Variants in ANKRD28 observed in about 807,000 individuals in gnomAD.
The protein encoded by ANKRD28 is serine/threonine-protein phosphatase 6 regulatory ankyrin repeat subunit A.
ANKRD28 carries 44 observed loss-of-function variants against 126.5 expected under a neutral mutation model. That is an observed-to-expected ratio of 0.35 (90% confidence interval 0.27 to 0.45). ANKRD28 has a LOEUF of 0.45. Ranked by LOEUF, ANKRD28 falls within the 20% of genes least tolerant of loss-of-function variation. The pLI is 1.00. For missense variants in ANKRD28, 1,110 were observed against 1,316.6 expected, an observed-to-expected ratio of 0.84 and a Z score of 2.43; for synonymous variants, 442 against 468.5, an observed-to-expected ratio of 0.94 and a Z score of 0.73.
chr3:15,743,138 G>A (rs892924897), intron 4 of ANKRD28, among the ~76,000 whole-genome samples: 2 of 152,034 alleles, frequency 1.3e-5, no homozygotes, highest in African/African-American at 4.8e-5. Flanking sequence ...GATTAAGGGT[G>A]GTGCAAGATG....
At chr3:15,700,233 T>C (rs1369277303) in intron 14 of ANKRD28, among the ~76,000 whole-genome samples, 1 of 151,818 alleles carries the variant, frequency 6.6e-6, no homozygotes, top group African/African-American at 2.4e-5. Context: ...CACTCTTAAG[T>C]GGAAGTTGAG....
chr3:15,747,219 T>C (rs2057534938), intron 4 of ANKRD28, among the ~76,000 whole-genome samples: 1 of 152,046 alleles, frequency 6.6e-6, no homozygotes, highest in Non-Finnish European at 1.5e-5. Flanking sequence ...TCTTCATTAT[T>C]TCTTTTCTTC....
At position 15,688,310 on chromosome 3, in the gene ANKRD28, G is replaced by A. The variant is rs114471578; in HGVS notation, c.1963+1709C>T. The stretch of plus-strand genomic sequence containing the variant: ...AAATTGATTTTTATTTTATATTTTA[G>A]GAACAGGGTTTCATCATGTTGCCTA... On this transcript the variant is annotated intron_variant, in intron 18 of 27. Transcript: ENST00000683139. Among the ~76,000 whole-genome samples the A allele has an allele frequency of 1.6e-3, 241 of 152,180 alleles. 3 individuals are homozygous for A. The highest frequency in any genetic ancestry group is 5.4e-3 in the Admixed American group (83 of 15,286).
chr3:15,685,540 A>G, intron 20 of ANKRD28, 95 bp from the exon 21 acceptor site: 1 of 1,021,044 alleles, frequency 9.8e-7, no homozygotes, highest in Non-Finnish European at 1.5e-6. Flanking sequence ...CATACTCTCC[A>G]TATCCTTCCA....
rs752092843 is a variant in ANKRD28 at position 15,712,160 on chromosome 3, C to G, written c.1253G>C (p.Cys418Ser). ...CTTACCTGAAGAAAGAAGTTTTCTG[C>G]AGCAATCTGAAAAGCCGCTTAAGGC... ...LAALSGFSDC[C>S]RKLLSSGFDI... Residue 418 changes from cysteine (C) to serine (S), a missense_variant, in exon 11 of 28, where the codon TGC (cysteine) becomes TCC (serine). Physicochemically the swap from Cys to Ser is moderately radical, Grantham distance 112. Transcript: ENST00000683139. 1.8e-5 allele frequency: 28 copies of G among 1,580,694 alleles called. No individual in the cohort carries two copies. In the South Asian group the frequency reaches 3.1e-4, roughly 18 times the overall value.
chr3:15,841,670 G>T (rs1382472482), intron 1 of ANKRD28, among the ~76,000 whole-genome samples: 5 of 152,148 alleles, frequency 3.3e-5, no homozygotes, highest in African/African-American at 9.7e-5. Context: ...TGGCAAACAG[G>T]TACATGAAAA....
In ANKRD28 at chr3:15,712,167, C is replaced by T; in HGVS notation, c.1246G>A (p.Asp416Asn). The T allele has an allele frequency of 6.3e-7, 1 of 1,583,628 alleles. No individual in the cohort carries two copies. Residue 416 changes from aspartate to asparagine, a missense_variant, in exon 11 of 28, where the codon GAT becomes AAT. Transcript: ENST00000683139. ...LHLAALSGFS[D>N]CCRKLLSSGF... ...GAAGAAAGAAGTTTTCTGCAGCAAT[C>T]TGAAAAGCCGCTTAAGGCTGCCAAA... is the stretch of plus-strand genomic sequence containing the variant.
chr3:15,826,049 G>T (rs1208269382), intron 1 of ANKRD28, among the ~76,000 whole-genome samples: 1 of 152,088 alleles, frequency 6.6e-6, no homozygotes, highest in African/African-American at 2.4e-5. Context: ...AGGTGAACAT[G>T]TCTATATCCT....
rs137915130 is a variant in ANKRD28, at chr3:15,676,637, C to G, written c.2873+337G>C. The G allele has an allele frequency of 1.5e-3, 304 of 200,076 alleles. 2 individuals carry two copies. The highest frequency in any genetic ancestry group is 6.8e-3 in the African/African-American group (286 of 42,060). 12.4% of individuals were successfully genotyped at this position (200,076 alleles called of 1,614,324 possible). On this transcript the variant is annotated intron_variant, in intron 26 of 27. Transcript: ENST00000683139. ...TACAGACACACATAAAGCTTCTTAC[C>G]TCATTTATTGTTAGTTTCAAGTAAC...
intron 9 of ANKRD28, 102 bp downstream of exon 9, chr3:15,714,476 A>C (rs543270650): frequency 1.2e-6 from 1 of 829,152 alleles, no homozygotes; most frequent in Non-Finnish European, 1.8e-6. Flanking sequence ...AATACACAAA[A>C]TGCGATGACA....
intron 6 of ANKRD28, among the ~76,000 whole-genome samples, chr3:15,734,912 A>G (rs1239170084): frequency 1.1e-5 from 1 of 87,490 alleles, no homozygotes; most frequent in Non-Finnish European, 2.8e-5. Flanking sequence ...AATTTTGCAG[A>G]CTGTAAGATT....
At chr3:15,837,008 G>A (rs1459562413) in intron 1 of ANKRD28, among the ~76,000 whole-genome samples, 2 of 150,882 alleles carry the variant, frequency 1.3e-5, no homozygotes, top group Non-Finnish European at 2.9e-5. Flanking sequence ...GCTGAGGCAG[G>A]AGAATGGCCC....
At chr3:15,703,102 G>A (rs1482429657) in intron 14 of ANKRD28, among the ~76,000 whole-genome samples, 2 of 152,056 alleles carry the variant, frequency 1.3e-5, no homozygotes, top group African/African-American at 4.8e-5. Flanking sequence ...CAAGGTTGTT[G>A]AATGTAAGTC....
intron 1 of ANKRD28, among the ~76,000 whole-genome samples, chr3:15,813,378 A>G (rs1019853118): frequency 1.3e-5 from 2 of 152,160 alleles, no homozygotes; most frequent in Admixed American, 1.3e-4. Context: ...AGGAAAAAAC[A>G]AAAACCAAAA....
rs34806568 is a variant in ANKRD28 at position 15,674,174 on chromosome 3, C to CAA, written c.2965+1722_2965+1723dup. On this transcript the variant is annotated intron_variant, in intron 27 of 27. Transcript: ENST00000683139. ...GCAACAGAGTGAGACCCTGCCTCTTCAAAAAAAAAAAAAAAAAAAAAAAAG... is the reference window on the plus strand; with the variant it reads ...GCAACAGAGTGAGACCCTGCCTCTTCAAAAAAAAAAAAAAAAAAAAAAAAAAG... Among the ~76,000 whole-genome samples, 169 of 40,254 alleles carry CAA rather than the reference C, an allele frequency of 4.2e-3. 16 individuals carry two copies. The highest frequency in any genetic ancestry group is 0.021 in the Middle Eastern group (1 of 48). 26.4% of individuals were successfully genotyped at this position (40,254 alleles called of 152,430 possible).
In ANKRD28 at chr3:15,846,516, T is replaced by C. The variant is rs545654566; in HGVS notation, c.27+12861A>G. ...GTCTGGAAGTCAACAGCTGAAAGCT[T>C]ACCTACCATATAAACGAGTTAAAAA... On this transcript the variant is annotated intron_variant, in intron 1 of 27. Transcript: ENST00000399451. The surrounding 1 kb of genome is among the most constrained non-coding windows in gnomAD (Gnocchi z 5.4). Among the ~76,000 whole-genome samples the C allele has an allele frequency of 9.8e-5, 15 of 152,336 alleles. No individual in the cohort carries two copies. The highest frequency in any genetic ancestry group is 3.1e-4 in the African/African-American group (13 of 41,572).
rs191714203 is a variant in ANKRD28, at chr3:15,812,826, T to C, written c.28-17520A>G. On this transcript the variant is annotated intron_variant, in intron 1 of 27. Transcript: ENST00000399451. The surrounding 1 kb of genome is among the most constrained non-coding windows in gnomAD (Gnocchi z 4.1). Reference sequence around the variant, plus strand: ...AAAAGGTGATCATGGGTAGGTAATCTAGACCCTCCTGAAAAGGCCAGGTAA... The same window carrying C: ...AAAAGGTGATCATGGGTAGGTAATCCAGACCCTCCTGAAAAGGCCAGGTAA... Among the ~76,000 whole-genome samples, 500 of 152,276 alleles carry C rather than the reference T, an allele frequency of 3.3e-3. 2 individuals carry two copies. The highest frequency in any genetic ancestry group is 4.4e-3 in the Non-Finnish European group (299 of 68,020).
chr3:15,786,705 T>A (rs1054886839), intron 2 of ANKRD28, among the ~76,000 whole-genome samples: 4 of 152,178 alleles, frequency 2.6e-5, no homozygotes, highest in Non-Finnish European at 4.4e-5. Flanking sequence ...CATTTCAGTA[T>A]GAAATTTAGG....
At chr3:15,836,795 G>A (rs938110068) in intron 1 of ANKRD28, among the ~76,000 whole-genome samples, 3 of 152,098 alleles carry the variant, frequency 2.0e-5, no homozygotes, top group Admixed American at 2.0e-4. Flanking sequence ...GGAGCTAACA[G>A]GCCAGGCGTG....
Sources: gnomAD v4.1 joint callset for allele counts (sites outside exome capture counted in the v4.1 genomes callset) on GRCh38, gnomAD v4.1.1 for gene constraint, Gnocchi (gnomAD v3.1) non-coding constraint, MANE v1.5 for transcripts, NCBI Gene and HGNC (gene_info 2026-07-23, HGNC 2026-07-21) for gene names.